MPPED2: variants seen among roughly 807,000 people sequenced by gnomAD.
MPPED2 encodes the protein metallophosphoesterase domain containing 2, also known as metallophosphoesterase MPPED2.
MPPED2 carries 5 observed loss-of-function variants against 33.0 expected under a neutral mutation model. The observed-to-expected ratio is 0.15, with a 90% CI of 0.08 to 0.32. The LOEUF is 0.32. Among genes scored for constraint, MPPED2 ranks in the 10% least tolerant of loss-of-function variants. The pLI is 1.00. For missense variants in MPPED2, 275 were observed against 372.1 expected, an observed-to-expected ratio of 0.74 and a Z score of 2.15; for synonymous variants, 136 against 141.9, an observed-to-expected ratio of 0.96 and a Z score of 0.29.
At chr11:30,555,364 T>C (rs1360432622) in intron 2 of MPPED2, among the ~76,000 whole-genome samples, 2 of 152,068 alleles carry the variant, frequency 1.3e-5, no homozygotes, top group Non-Finnish European at 2.9e-5. Context: ...AAAGTGTGAG[T>C]CAGTGGCAAG....
chr11:30,488,244 C>T (rs1365486927), intron 4 of MPPED2, among the ~76,000 whole-genome samples: 2 of 152,004 alleles, frequency 1.3e-5, no homozygotes, highest in Admixed American at 6.6e-5. Flanking sequence ...TGTTGTGAGC[C>T]CCAAATGAGA....
At position 30,389,022 on chromosome 11, in the gene MPPED2, A is replaced by G. The variant is rs1166934670; in HGVS notation, c.767-66T>C. Reference sequence around the variant, plus strand: ...GAGATGAACATGACCTAAATTATTCAGTTTTCTCTCTGATGGTGTCTTGAT... The same window carrying G: ...GAGATGAACATGACCTAAATTATTCGGTTTTCTCTCTGATGGTGTCTTGAT... On this transcript the variant is annotated intron_variant, in intron 6 of 6. Coordinates refer to the MPPED2 transcript ENST00000448418. 7 of 1,491,706 alleles carry G rather than the reference A, an allele frequency of 4.7e-6. No homozygotes were observed. In the Admixed American group the frequency reaches 1.3e-4, roughly 29 times the overall value. The allele number at this position is 1,491,706 out of a possible 1,614,324, so 92.4% of individuals were successfully genotyped here. A position where few individuals can be genotyped will look rare whatever the true frequency, so the allele number is the denominator to read the frequency against.
intron 4 of MPPED2, among the ~76,000 whole-genome samples, chr11:30,444,916 T>C (rs1949736313): frequency 6.6e-6 from 1 of 152,252 alleles, no homozygotes; most frequent in Non-Finnish European, 1.5e-5. Flanking sequence ...TCTCAGGGAT[T>C]TCTGGGAGTC....
At chr11:30,446,416 G>A (rs144867100) in intron 4 of MPPED2, among the ~76,000 whole-genome samples, 1 of 152,116 alleles carries the variant, frequency 6.6e-6, no homozygotes, top group East Asian at 1.9e-4. Context: ...AGAATGGCAT[G>A]TTTCTAAAAG....
At chr11:30,579,828 G>GA (rs10589055) in intron 2 of MPPED2, among the ~76,000 whole-genome samples, 2,710 of 145,258 alleles carry the variant, frequency 0.019, 56 homozygotes, top group African/African-American at 0.058. Flanking sequence ...TGAGGTGTGG[G>GA]AAAAAAAAAA....
chr11:30,425,518 T>C (rs899609564), intron 4 of MPPED2: 1 of 152,148 alleles, frequency 6.6e-6, no homozygotes, highest in Non-Finnish European at 1.5e-5. Context: ...TCTGTTTCCT[T>C]CTACATGGCT....
rs1358735687 is a variant in MPPED2 at position 30,416,881 on chromosome 11, C to A, written c.652+637G>T. Among the ~76,000 whole-genome samples the A allele has an allele frequency of 3.9e-5, 6 of 152,302 alleles. No individual in the cohort carries two copies. The East Asian group carries it at 9.6e-4, about 24-fold the overall frequency. ...ATTAAAAGGTAATAAGTCAACTGAT[C>A]ATTCTTTGGCCCATAATGTGGCTCA... On this transcript the variant is annotated intron_variant, in intron 5 of 6. Coordinates refer to ENST00000358117, the MANE Select transcript of MPPED2 (RefSeq NM_001584.3).
chr11:30,537,814 A>G (rs1954894151), intron 2 of MPPED2, among the ~76,000 whole-genome samples: 1 of 152,234 alleles, frequency 6.6e-6, no homozygotes, highest in Non-Finnish European at 1.5e-5. Flanking sequence ...GTTACCACGT[A>G]GAAAATTCAC....
At chr11:30,416,929 C>T (rs1382746810) in intron 5 of MPPED2, among the ~76,000 whole-genome samples, 6 of 152,180 alleles carry the variant, frequency 3.9e-5, no homozygotes, top group African/African-American at 1.4e-4. Flanking sequence ...CTTTGAAGCA[C>T]ACAGACAATA....
chr11:30,496,020 A>G (rs185084944), intron 3 of MPPED2, among the ~76,000 whole-genome samples: 20 of 152,330 alleles, frequency 1.3e-4, no homozygotes, highest in African/African-American at 4.6e-4. Context: ...AAGGAACCAG[A>G]TAGTATAATT....
intron 3 of MPPED2, among the ~76,000 whole-genome samples, chr11:30,503,143 T>C (rs999442512): frequency 2.0e-5 from 3 of 152,112 alleles, no homozygotes; most frequent in African/African-American, 7.2e-5. Context: ...GGTCTCATGA[T>C]AGTAAGTTCT....
intron 3 of MPPED2, among the ~76,000 whole-genome samples, chr11:30,532,526 A>G (rs1351134846): frequency 1.3e-5 from 2 of 152,192 alleles, no homozygotes; most frequent in Admixed American, 6.5e-5. Context: ...AAAGTTGTAT[A>G]CAGGCCAGAG....
intron 2 of MPPED2, among the ~76,000 whole-genome samples, chr11:30,571,193 C>A (rs1311810031): frequency 5.4e-5 from 8 of 149,460 alleles, no homozygotes; most frequent in Admixed American, 5.3e-4. Flanking sequence ...AGCTCTGAGG[C>A]TTAATAAAAA....
intron 6 of MPPED2, among the ~76,000 whole-genome samples, chr11:30,396,156 A>G (rs939099095): frequency 3.9e-5 from 6 of 152,190 alleles, no homozygotes; most frequent in African/African-American, 1.4e-4. Context: ...TAAGAAAGGA[A>G]CACTGTCCTC....
intron 2 of MPPED2, among the ~76,000 whole-genome samples, chr11:30,559,062 G>T (rs574300548): frequency 3.9e-5 from 6 of 152,096 alleles, no homozygotes; most frequent in South Asian, 2.1e-4. Context: ...ACTCCAGAAG[G>T]TCATCAATTT....
At chr11:30,431,210 A>G (rs1368338337) in intron 4 of MPPED2, among the ~76,000 whole-genome samples, 1 of 152,212 alleles carries the variant, frequency 6.6e-6, no homozygotes, top group Non-Finnish European at 1.5e-5. Flanking sequence ...AAGGCAGACT[A>G]GAGACCAGCC....
chr11:30,419,794 A>T (rs1948531724), intron 4 of MPPED2, among the ~76,000 whole-genome samples: 1 of 152,256 alleles, frequency 6.6e-6, no homozygotes, highest in African/African-American at 2.4e-5. Flanking sequence ...GAGCTATTTT[A>T]TCTGTCCTAT....
In MPPED2 at chr11:30,583,134, C is replaced by CTTTTTT. The variant is rs199611856; in HGVS notation, c.-121-2646_-121-2641dup. On this transcript the variant is annotated intron_variant, in intron 1 of 6. Transcript: ENST00000358117. ...CACAAACACCTGGAAAAGACTTTTT[C>CTTTTTT]TTTTTTTTTTTTTTTTTTTTTTTTT... Among the ~76,000 whole-genome samples, 459 of 96,554 alleles carry CTTTTTT rather than the reference C, an allele frequency of 4.8e-3. 26 individuals are homozygous for CTTTTTT. Among genetic ancestry groups the CTTTTTT allele is most frequent in the African/African-American group, 9.8e-3 (202 of 20,656 alleles). The allele number at this position is 96,554 out of a possible 152,430, so 63.3% of individuals were successfully genotyped here. A position where few individuals can be genotyped will look rare whatever the true frequency, so the allele number is the denominator to read the frequency against.
rs541686114 is a variant in MPPED2, at chr11:30,423,531, AC to A, written c.537-5899del. On this transcript the variant is annotated intron_variant, in intron 4 of 6. Coordinates refer to ENST00000358117, the MANE Select transcript of MPPED2 (RefSeq NM_001584.3). Reference sequence around the variant, plus strand: ...CAGGTTGGCTGTGCCAGTTAGCGTAACGAGCACCTGCAGGCTCTTTAAAAGT... The same window carrying A: ...CAGGTTGGCTGTGCCAGTTAGCGTAAGAGCACCTGCAGGCTCTTTAAAAGT... 1.2e-4 allele frequency among the ~76,000 whole-genome samples: 19 copies of A among 152,030 alleles called. No homozygotes were observed. The East Asian group carries it at 3.7e-3, about 29-fold the overall frequency.
Sources: allele counts gnomAD v4.1 joint callset (sites outside exome capture counted in the v4.1 genomes callset), GRCh38; gene constraint gnomAD v4.1.1; transcripts MANE v1.5; gene names NCBI Gene and HGNC (gene_info 2026-07-23, HGNC 2026-07-21).